NRXN3: variants seen among roughly 807,000 people sequenced by gnomAD.
The protein encoded by NRXN3 is neurexin III.
NRXN3 carries 32 observed loss-of-function variants against 137.6 expected under a neutral mutation model. The observed-to-expected ratio is 0.23, with a 90% CI of 0.18 to 0.31. The LOEUF (loss-of-function observed/expected upper bound fraction) is 0.31. NRXN3 is among the 10% of genes least tolerant of loss of function. The probability of loss-of-function intolerance (pLI) is 1.00; values close to 1 mark genes in which losing one functional copy is unlikely to be tolerated. For missense variants in NRXN3, 1,574 were observed against 2,062.5 expected, an observed-to-expected ratio of 0.76 and a Z score of 4.59; for synonymous variants, 798 against 784.5, an observed-to-expected ratio of 1.02 and a Z score of -0.29.
chr14:78,261,819 A>T (rs2070774550), intron 2 of NRXN3, among the ~76,000 whole-genome samples: 1 of 152,216 alleles, frequency 6.6e-6, no homozygotes, highest in Admixed American at 6.5e-5. Flanking sequence ...CCTAGCACTC[A>T]TTCTCCTACA....
intron 4 of NRXN3, among the ~76,000 whole-genome samples, chr14:78,371,876 A>C (rs775627664): frequency 1.3e-5 from 2 of 152,196 alleles, no homozygotes; most frequent in Non-Finnish European, 2.9e-5. Flanking sequence ...TTATGTTAAC[A>C]CTTTTTATCT....
chr14:79,658,670 A>G (rs1175743510), intron 16 of NRXN3, among the ~76,000 whole-genome samples: 2 of 152,084 alleles, frequency 1.3e-5, no homozygotes, highest in African/African-American at 2.4e-5. Context: ...TATTTTCTTT[A>G]CTAGGAACCA....
rs191076389 is a variant in NRXN3 at position 78,578,162 on chromosome 14, G to T, written c.758-66958G>T. ...ATTTTATCTTTTAAATCACATTAAG[G>T]CTCCCAAGTGGATGCATCCTGAGTT... On this transcript the variant is annotated intron_variant, in intron 4 of 20. Coordinates refer to ENST00000335750, the MANE Select transcript of NRXN3 (RefSeq NM_001330195.2). 1.6e-4 allele frequency among the ~76,000 whole-genome samples: 24 copies of T among 152,164 alleles called. No homozygotes were observed. The East Asian group carries it at 3.5e-3, about 22-fold the overall frequency.
intron 15 of NRXN3, among the ~76,000 whole-genome samples, chr14:79,047,169 C>A (rs1351958117): frequency 6.7e-6 from 1 of 150,134 alleles, no homozygotes; most frequent in East Asian, 1.9e-4. Context: ...CACACCACCA[C>A]CAACAACCCA....
chr14:79,105,168 T>C (rs1164200561), intron 15 of NRXN3, among the ~76,000 whole-genome samples: 4 of 152,152 alleles, frequency 2.6e-5, no homozygotes, highest in African/African-American at 9.7e-5. Flanking sequence ...AAAGAATGAC[T>C]TGATCATGGC....
intron 16 of NRXN3, among the ~76,000 whole-genome samples, chr14:79,563,384 G>A (rs1277214999): frequency 2.6e-5 from 4 of 151,870 alleles, no homozygotes; most frequent in Non-Finnish European, 5.9e-5. Flanking sequence ...ATTTCAGGAG[G>A]GACACCCGTT....
chr14:79,313,945 C>A (rs1292268218), intron 15 of NRXN3: 1 of 147,172 alleles, frequency 6.8e-6, no homozygotes, highest in East Asian at 2.1e-4. Context: ...TCGTCAAAAT[C>A]ATTCTCCATC....
At chr14:79,837,049 GA>G (rs2099345622) in intron 20 of NRXN3, among the ~76,000 whole-genome samples, 1 of 152,176 alleles carries the variant, frequency 6.6e-6, no homozygotes, top group South Asian at 2.1e-4. Flanking sequence ...GCCACTTCAA[GA>G]AACAAATTAT....
chr14:79,669,702 T>C (rs1386684496), intron 17 of NRXN3, among the ~76,000 whole-genome samples: 2 of 152,036 alleles, frequency 1.3e-5, no homozygotes, highest in Non-Finnish European at 2.9e-5. Context: ...GCATCTAATT[T>C]AACTGAACTG....
intron 15 of NRXN3, among the ~76,000 whole-genome samples, chr14:79,109,475 A>G (rs1596045839): frequency 6.6e-6 from 1 of 152,210 alleles, no homozygotes; most frequent in Non-Finnish European, 1.5e-5. Context: ...TTGGCAAGGA[A>G]TAACTCAGTA....
intron 4 of NRXN3, among the ~76,000 whole-genome samples, chr14:78,593,701 G>C (rs1028602624): frequency 2.6e-5 from 4 of 152,148 alleles, no homozygotes; most frequent in Non-Finnish European, 5.9e-5. Flanking sequence ...GGTCGAGGAG[G>C]GGGTGGGGAA....
chr14:78,831,534 C>CAAAAAAAAAAAAAAA (rs372852083), intron 10 of NRXN3, among the ~76,000 whole-genome samples: 3 of 58,198 alleles, frequency 5.2e-5, no homozygotes, highest in East Asian at 1.4e-3. Flanking sequence ...GACTCCATGT[C>CAAAAAAAAAAAAAAA]AAAAAAAAAA....
At chr14:79,439,776 C>T (rs1177187675) in intron 15 of NRXN3, among the ~76,000 whole-genome samples, 1 of 152,166 alleles carries the variant, frequency 6.6e-6, no homozygotes, top group Admixed American at 6.5e-5. Context: ...TCTTGCATCT[C>T]TTAAAATGGT....
At chr14:79,031,983 G>A (rs1206741477) in intron 15 of NRXN3, among the ~76,000 whole-genome samples, 1 of 151,988 alleles carries the variant, frequency 6.6e-6, no homozygotes. Context: ...TAACCCAACC[G>A]GACTAAGACA....
intron 15 of NRXN3, among the ~76,000 whole-genome samples, chr14:79,256,357 T>C (rs558113307): frequency 6.6e-6 from 1 of 152,356 alleles, no homozygotes; most frequent in African/African-American, 2.4e-5. Context: ...TCATAATTAC[T>C]GTTGTCATTA....
At chr14:78,236,510 T>C (rs1470526485) in intron 1 of NRXN3, among the ~76,000 whole-genome samples, 1 of 152,240 alleles carries the variant, frequency 6.6e-6, no homozygotes, top group Non-Finnish European at 1.5e-5. Context: ...GTTTTGTCTA[T>C]TATGAATAGT....
intron 15 of NRXN3, chr14:79,299,014 G>A (rs1321314297): frequency 6.6e-6 from 1 of 152,230 alleles, no homozygotes; most frequent in Non-Finnish European, 1.5e-5. Flanking sequence ...CTATGCTAGT[G>A]ATGCCAGATC....
intron 10 of NRXN3, among the ~76,000 whole-genome samples, chr14:78,872,365 T>C (rs1432654819): frequency 6.7e-6 from 1 of 150,278 alleles, no homozygotes; most frequent in Non-Finnish European, 1.5e-5. Flanking sequence ...AGCATTCAGA[T>C]TGCAGTTTTT....
intron 15 of NRXN3, among the ~76,000 whole-genome samples, chr14:79,462,253 A>T (rs989027626): frequency 3.3e-5 from 5 of 151,912 alleles, no homozygotes; most frequent in Non-Finnish European, 5.9e-5. Flanking sequence ...CATGCCTGTA[A>T]TCCCAGCTAC....
Sources: allele counts gnomAD v4.1 joint callset (sites outside exome capture counted in the v4.1 genomes callset), GRCh38; gene constraint gnomAD v4.1.1; transcripts MANE v1.5; gene names NCBI Gene and HGNC (gene_info 2026-07-23, HGNC 2026-07-21).